SHB: variants seen among roughly 807,000 people sequenced by gnomAD.
SHB encodes SH2 domain-containing adapter protein B.
Under a neutral mutation model 52.3 loss-of-function variants are expected in SHB, and 20 were observed. The observed-to-expected ratio is 0.38, with a 90% CI of 0.27 to 0.56. The LOEUF (loss-of-function observed/expected upper bound fraction) is 0.56. SHB is among the 20% of genes least tolerant of loss of function. SHB has a pLI of 0.71. For synonymous variants in SHB, 397 were observed against 316.5 expected (o/e 1.25, Z -2.70); for missense variants, 825 against 723.3 (o/e 1.14, Z -1.61).
At chr9:37,981,247 T>C (rs562663139) in intron 2 of SHB, among the ~76,000 whole-genome samples, 113 of 152,382 alleles carry the variant, frequency 7.4e-4, no homozygotes, top group African/African-American at 2.6e-3. Context: ...CCTTCATCGA[T>C]GACCTCAGCT....
chr9:38,029,162 C>A (rs56227424), intron 1 of SHB, among the ~76,000 whole-genome samples: 20,967 of 152,210 alleles, frequency 0.14, 3,200 homozygotes, highest in African/African-American at 0.37. Context: ...AAGCTTTCAA[C>A]ACCAAGTGGT....
At chr9:37,932,671 G>A (rs574962225) in intron 5 of SHB, among the ~76,000 whole-genome samples, 2 of 152,228 alleles carry the variant, frequency 1.3e-5, no homozygotes, top group South Asian at 4.1e-4. Context: ...GAGAGCAGTG[G>A]TAAAATCACA....
intron 4 of SHB, among the ~76,000 whole-genome samples, chr9:37,952,388 C>A (rs1187548981): frequency 6.6e-6 from 1 of 152,204 alleles, no homozygotes; most frequent in African/African-American, 2.4e-5. Flanking sequence ...GGTAGGAATG[C>A]GCTTGCAGTG....
At chr9:38,051,902 G>C (rs1483911947) in intron 1 of SHB, among the ~76,000 whole-genome samples, 1 of 152,102 alleles carries the variant, frequency 6.6e-6, no homozygotes, top group African/African-American at 2.4e-5. Context: ...TTTCCCTCTG[G>C]GGACCTAAAG....
At chr9:37,923,312 G>A (rs1832205437) in intron 5 of SHB, among the ~76,000 whole-genome samples, 1 of 152,214 alleles carries the variant, frequency 6.6e-6, no homozygotes, top group Non-Finnish European at 1.5e-5. Flanking sequence ...CAGGGCTGAC[G>A]GCAGGTCAGA....
intron 1 of SHB, among the ~76,000 whole-genome samples, chr9:38,043,251 C>G (rs773973374): frequency 5.3e-5 from 8 of 152,196 alleles, no homozygotes; most frequent in Non-Finnish European, 8.8e-5. Flanking sequence ...TCTGCCTATG[C>G]CACAGTGCCC....
At chr9:38,006,310 C>T (rs987130417) in intron 2 of SHB, among the ~76,000 whole-genome samples, 1 of 152,230 alleles carries the variant, frequency 6.6e-6, no homozygotes, top group East Asian at 1.9e-4. Flanking sequence ...ATCCCACACT[C>T]CCAGGCGGGC....
rs1189024622 is a variant in SHB at position 38,068,673 on chromosome 9, C to A, written c.-28G>T. On this transcript the variant is annotated 5_prime_UTR_variant, in exon 1 of 6. Coordinates refer to ENST00000377707, the MANE Select transcript of SHB (RefSeq NM_003028.3). ...CGAGAGGCCGCCTAGGGCCGCGGCG[C>A]GGGAGCCCGGTCCGCCGCCGCGGCC... 7 of 1,289,666 alleles carry A rather than the reference C, an allele frequency of 5.4e-6. No homozygotes were observed. Among genetic ancestry groups the A allele is most frequent in the South Asian group, 2.5e-5 (1 of 40,510 alleles). 79.9% of individuals were successfully genotyped at this position (1,289,666 alleles called of 1,614,324 possible).
intron 2 of SHB, among the ~76,000 whole-genome samples, chr9:37,995,141 G>A (rs1820932239): frequency 6.6e-6 from 1 of 152,150 alleles, no homozygotes; most frequent in African/African-American, 2.4e-5. Context: ...GCTGGGGGAA[G>A]GGCAGGCGGG....
intron 2 of SHB, among the ~76,000 whole-genome samples, chr9:37,988,320 C>T (rs1356823385): frequency 6.6e-6 from 1 of 152,168 alleles, no homozygotes; most frequent in Non-Finnish European, 1.5e-5. Context: ...TAATATTCCT[C>T]GCAGATGAGG....
chr9:37,987,912 G>C (rs1820831484), intron 2 of SHB, among the ~76,000 whole-genome samples: 1 of 152,030 alleles, frequency 6.6e-6, no homozygotes, highest in Non-Finnish European at 1.5e-5. Flanking sequence ...AGGGTCCTCT[G>C]CTGGGGAGGA....
chr9:38,048,225 C>T (rs1329736125), intron 1 of SHB, among the ~76,000 whole-genome samples: 2 of 152,048 alleles, frequency 1.3e-5, no homozygotes, highest in Non-Finnish European at 2.9e-5. Context: ...AACCTTCCAG[C>T]GATAACCAGT....
intron 2 of SHB, among the ~76,000 whole-genome samples, chr9:37,994,264 A>C (rs1412995748): frequency 6.6e-6 from 1 of 152,234 alleles, no homozygotes; most frequent in Admixed American, 6.5e-5. Flanking sequence ...CTCTGCTTCC[A>C]GCTCCTCAAA....
chr9:37,924,594 C>T (rs1832223473), intron 5 of SHB, among the ~76,000 whole-genome samples: 1 of 152,152 alleles, frequency 6.6e-6, no homozygotes, highest in African/African-American at 2.4e-5. Flanking sequence ...TGGGGAGCTG[C>T]TGTCCTGACC....
At position 37,989,792 on chromosome 9, in the gene SHB, G is replaced by A. The variant is rs954845499; in HGVS notation, c.839-14955C>T. Among the ~76,000 whole-genome samples the A allele has an allele frequency of 5.3e-5, 8 of 152,068 alleles. No individual in the cohort carries two copies. In the East Asian group the frequency reaches 9.6e-4, roughly 18 times the overall value. Reference sequence around the variant, plus strand: ...AAGTGTTGTTGTTGTTGCTGTTTTCGCTTTTGTTTTAAAGAGGAGTGGGGA... The same window carrying A: ...AAGTGTTGTTGTTGTTGCTGTTTTCACTTTTGTTTTAAAGAGGAGTGGGGA... On this transcript the variant is annotated intron_variant, in intron 2 of 5. Coordinates refer to ENST00000377707, the MANE Select transcript of SHB (RefSeq NM_003028.3).
intron 1 of SHB, among the ~76,000 whole-genome samples, chr9:38,036,860 A>T (rs893635378): frequency 6.6e-6 from 1 of 152,208 alleles, no homozygotes; most frequent in South Asian, 2.1e-4. Context: ...GATGAAAAAA[A>T]CCAAGGCATG....
At chr9:38,044,855 A>G (rs1456065607) in intron 1 of SHB, among the ~76,000 whole-genome samples, 1 of 152,202 alleles carries the variant, frequency 6.6e-6, no homozygotes, top group African/African-American at 2.4e-5. Context: ...CAGGGCTCTC[A>G]CTGTGGCTCT....
intron 5 of SHB, among the ~76,000 whole-genome samples, chr9:37,939,701 T>C (rs1372288455): frequency 2.6e-5 from 4 of 152,114 alleles, no homozygotes; most frequent in Non-Finnish European, 5.9e-5. Context: ...AATGGGGGTG[T>C]TTCTATTCCG....
rs1037214537 is a variant in SHB at position 37,917,737 on chromosome 9, C to T, written c.*2084G>A. Among the ~76,000 whole-genome samples, 1 of 152,236 alleles carries T rather than the reference C, an allele frequency of 6.6e-6. No individual in the cohort carries two copies. Among genetic ancestry groups the T allele is most frequent in the African/African-American group, 2.4e-5 (1 of 41,460 alleles). On this transcript the variant is annotated 3_prime_UTR_variant, in exon 6 of 6. Transcript: ENST00000377707. ...TTCCAGGGTGTCCCTGCCTTCCTCCCTCATTGAGGGATGTTTTAGGAAATG... is the reference window on the plus strand; with the variant it reads ...TTCCAGGGTGTCCCTGCCTTCCTCCTTCATTGAGGGATGTTTTAGGAAATG...
Sources: gnomAD v4.1 joint callset for allele counts (sites outside exome capture counted in the v4.1 genomes callset) on GRCh38, gnomAD v4.1.1 for gene constraint, MANE v1.5 for transcripts, NCBI Gene and HGNC (gene_info 2026-07-23, HGNC 2026-07-21) for gene names.